Variants in OXR1 observed in about 807,000 individuals in gnomAD.
OXR1 encodes oxidation resistance 1.
In OXR1, 41 loss-of-function variants were observed where a neutral mutation model predicts 104.6. The ratio of observed to expected loss-of-function variants is 0.39; its 90% CI spans 0.31 to 0.51. The LOEUF (loss-of-function observed/expected upper bound fraction) is 0.51. OXR1 is among the 20% of genes least tolerant of loss of function. OXR1 has a pLI of 0.77. For synonymous variants in OXR1, 348 were observed against 348.4 expected (o/e 1.00, Z 0.01); for missense variants, 955 against 1,031.9 (o/e 0.93, Z 1.02).
chr8:106,550,499 C>G (rs575009392), intron 3 of OXR1, among the ~76,000 whole-genome samples: 2 of 152,180 alleles, frequency 1.3e-5, no homozygotes, highest in Non-Finnish European at 2.9e-5. Flanking sequence ...GAGTCCCCAC[C>G]TGAATCTCGT....
chr8:106,410,631 A>G (rs564406386), intron 2 of OXR1, among the ~76,000 whole-genome samples: 1 of 152,270 alleles, frequency 6.6e-6, no homozygotes, highest in South Asian at 2.1e-4. Flanking sequence ...CCAAGAGAAT[A>G]GTCAAAAATC....
chr8:106,628,301 A>G lies in OXR1; in HGVS notation c.221-50909A>G, dbSNP rs192769346. Reference sequence around the variant, plus strand: ...AATAGCTAGCATTTATTGACCCTTTATCATCTTACCAGGTGCCAAAGACTG... The same window carrying G: ...AATAGCTAGCATTTATTGACCCTTTGTCATCTTACCAGGTGCCAAAGACTG... On this transcript the variant is annotated intron_variant, in intron 3 of 16. Coordinates refer to ENST00000517566, the MANE Select transcript of OXR1 (RefSeq NM_001198533.2). 7.5e-4 allele frequency among the ~76,000 whole-genome samples: 114 copies of G among 152,284 alleles called. 1 individual carries two copies. Among genetic ancestry groups the G allele is most frequent in the Admixed American group, 1.6e-3 (25 of 15,284 alleles).
chr8:106,711,781 C>G (rs1440455239), intron 10 of OXR1, among the ~76,000 whole-genome samples: 1 of 152,004 alleles, frequency 6.6e-6, no homozygotes, highest in African/African-American at 2.4e-5. Context: ...GCTGCACATA[C>G]CTGGGGTTAT....
intron 2 of OXR1, among the ~76,000 whole-genome samples, chr8:106,509,992 G>A (rs1264156442): frequency 2.6e-5 from 4 of 152,008 alleles, no homozygotes; most frequent in Non-Finnish European, 5.9e-5. Flanking sequence ...TGCTGGTTGC[G>A]AACTCCTGAC....
chr8:106,379,631 A>G (rs978794836), intron 2 of OXR1, among the ~76,000 whole-genome samples: 22 of 137,860 alleles, frequency 1.6e-4, no homozygotes, highest in African/African-American at 5.9e-4. Context: ...TCCGCCTCCC[A>G]GGTTCAAGCG....
chr8:106,705,662 T>C (rs1831076509), intron 8 of OXR1, among the ~76,000 whole-genome samples: 1 of 152,198 alleles, frequency 6.6e-6, no homozygotes, highest in Non-Finnish European at 1.5e-5. Flanking sequence ...AGGTTTACAC[T>C]CCCTCTTTCC....
intron 3 of OXR1, among the ~76,000 whole-genome samples, chr8:106,602,961 T>A (rs1432273146): frequency 6.6e-6 from 1 of 152,206 alleles, no homozygotes; most frequent in Non-Finnish European, 1.5e-5. Flanking sequence ...TTCAGAAAGA[T>A]GATTTATATT....
intron 3 of OXR1, among the ~76,000 whole-genome samples, chr8:106,547,391 C>A (rs1815442695): frequency 6.6e-6 from 1 of 152,112 alleles, no homozygotes; most frequent in Non-Finnish European, 1.5e-5. Flanking sequence ...GAAGTGGACT[C>A]ACCCAGCATT....
chr8:106,607,712 C>T (rs1820505044), intron 3 of OXR1, among the ~76,000 whole-genome samples: 1 of 152,224 alleles, frequency 6.6e-6, no homozygotes, highest in African/African-American at 2.4e-5. Context: ...CACCATATGC[C>T]AGACATTGTG....
intron 3 of OXR1, among the ~76,000 whole-genome samples, chr8:106,651,958 A>G (rs1485658921): frequency 6.6e-6 from 1 of 152,068 alleles, no homozygotes; most frequent in African/African-American, 2.4e-5. Flanking sequence ...ATTTTTCAGT[A>G]AATGTCTTGC....
intron 2 of OXR1, among the ~76,000 whole-genome samples, chr8:106,466,230 A>G (rs113174691): frequency 9.2e-5 from 14 of 152,044 alleles, no homozygotes; most frequent in African/African-American, 3.4e-4. Flanking sequence ...AAAGATGAAC[A>G]TTTGTCATTG....
intron 2 of OXR1, among the ~76,000 whole-genome samples, chr8:106,512,152 A>G (rs1812574225): frequency 6.6e-6 from 1 of 152,138 alleles, no homozygotes; most frequent in African/African-American, 2.4e-5. Context: ...TACAGATGAG[A>G]AAATGGAGGC....
At chr8:106,495,584 T>C (rs2129901143) in intron 2 of OXR1, among the ~76,000 whole-genome samples, 1 of 152,302 alleles carries the variant, frequency 6.6e-6, no homozygotes, top group African/African-American at 2.4e-5. Context: ...ATTCCAAAAT[T>C]TGCTGAAATT....
chr8:106,433,153 G>C (rs1298693789), intron 2 of OXR1, among the ~76,000 whole-genome samples: 3 of 152,124 alleles, frequency 2.0e-5, no homozygotes, highest in East Asian at 3.9e-4. Context: ...AACATAATTT[G>C]GTAGATAGGG....
chr8:106,740,087 A>G lies in OXR1; in HGVS notation c.2164-256A>G, dbSNP rs141206580. On this transcript the variant is annotated intron_variant, in intron 13 of 16. Transcript: ENST00000517566. ...GGAAGGCAAAAGCATTAAGTAATCT[A>G]TGTTTCTTATCTCTGTTCTAATCTG... is the stretch of plus-strand genomic sequence containing the variant. 2.1e-3 allele frequency among the ~76,000 whole-genome samples: 324 copies of G among 152,226 alleles called. 1 individual carries two copies. Among genetic ancestry groups the G allele is most frequent in the African/African-American group, 7.3e-3 (305 of 41,556 alleles).
Position 106,291,564 on chromosome 8 carries a change from T to C in OXR1, c.-139+21197T>C, listed in dbSNP as rs575369260. Among the ~76,000 whole-genome samples the C allele has an allele frequency of 2.6e-5, 4 of 152,350 alleles. No homozygotes were observed. The South Asian group carries it at 8.3e-4, about 32-fold the overall frequency. On this transcript the variant is annotated intron_variant, in intron 1 of 16. Transcript: ENST00000517566. ...CTGTAGTTTTCCTTTTCAAGGTTTC[T>C]GTTACCAGTGGTCAATCACAGTCTG...
chr8:106,592,288 C>A (rs1026016756), intron 3 of OXR1, among the ~76,000 whole-genome samples: 10 of 152,060 alleles, frequency 6.6e-5, no homozygotes, highest in Non-Finnish European at 5.9e-5. Flanking sequence ...AAGAAAAAAT[C>A]AATAAATAAT....
chr8:106,291,708 C>T (rs532114961), intron 1 of OXR1, among the ~76,000 whole-genome samples: 7 of 151,922 alleles, frequency 4.6e-5, no homozygotes, highest in Non-Finnish European at 7.4e-5. Flanking sequence ...ACCAGAGACT[C>T]GGTAATTTTT....
intron 1 of OXR1, among the ~76,000 whole-genome samples, chr8:106,314,729 G>A (rs536570264): frequency 1.3e-5 from 2 of 152,236 alleles, no homozygotes; most frequent in Non-Finnish European, 2.9e-5. Context: ...ACTTCACACA[G>A]CTCCTAACTA....
Sources: gnomAD v4.1 joint callset for allele counts (sites outside exome capture counted in the v4.1 genomes callset) on GRCh38, gnomAD v4.1.1 for gene constraint, MANE v1.5 for transcripts, NCBI Gene and HGNC (gene_info 2026-07-23, HGNC 2026-07-21) for gene names.